Variants in ROBO2 observed in about 807,000 individuals in gnomAD.
ROBO2 encodes roundabout guidance receptor 2, also known as roundabout homolog 2.
ROBO2 carries 53 observed loss-of-function variants against 160.8 expected under a neutral mutation model. The ratio of observed to expected loss-of-function variants is 0.33; its 90% CI spans 0.26 to 0.41. The LOEUF is 0.41. ROBO2 is among the 10% of genes least tolerant of loss of function. The probability of loss-of-function intolerance (pLI) is 1.00; values close to 1 mark genes in which losing one functional copy is unlikely to be tolerated. For synonymous variants in ROBO2, 664 were observed against 611.7 expected (o/e 1.09, Z -1.26); for missense variants, 1,577 against 1,722.4 (o/e 0.92, Z 1.49).
chr3:76,150,501 A>C (rs2072153799), intron 2 of ROBO2, among the ~76,000 whole-genome samples: 1 of 152,006 alleles, frequency 6.6e-6, no homozygotes, highest in Admixed American at 6.6e-5. Context: ...ATCTGTCTAA[A>C]ACACACATTT....
chr3:77,040,811 T>A, exon 1 of ROBO2: 1 of 1,614,176 alleles, frequency 6.2e-7, no homozygotes, highest in Non-Finnish European at 8.5e-7. Context: ...TTTACACAAC[T>A]ACTGCTCTGT....
chr3:77,338,167 G>C (rs909916357), intron 2 of ROBO2, among the ~76,000 whole-genome samples: 12 of 152,146 alleles, frequency 7.9e-5, no homozygotes, highest in African/African-American at 2.7e-4. Flanking sequence ...ATACAAGTTA[G>C]AGCTCATATT....
intron 2 of ROBO2, among the ~76,000 whole-genome samples, chr3:76,129,694 AG>A (rs1430271505): frequency 6.6e-6 from 1 of 152,018 alleles, no homozygotes; most frequent in Non-Finnish European, 1.5e-5. Flanking sequence ...AAAGCAGAGA[AG>A]TGGAACCTAA....
chr3:77,419,431 A>G (rs1306075097), intron 2 of ROBO2, among the ~76,000 whole-genome samples: 1 of 152,146 alleles, frequency 6.6e-6, no homozygotes, highest in Non-Finnish European at 1.5e-5. Context: ...TGATAAGCAG[A>G]ATAATAATAA....
At chr3:77,547,302 A>G (rs1301745022) in intron 7 of ROBO2, among the ~76,000 whole-genome samples, 1 of 152,058 alleles carries the variant, frequency 6.6e-6, no homozygotes, top group Non-Finnish European at 1.5e-5. Context: ...ACCTGGAGAT[A>G]TTTTCCTTCT....
chr3:77,169,308 T>C (rs960940943), intron 2 of ROBO2, among the ~76,000 whole-genome samples: 1 of 152,234 alleles, frequency 6.6e-6, no homozygotes, highest in Non-Finnish European at 1.5e-5. Context: ...TTATCTTAGA[T>C]ACCTATGATT....
intron 2 of ROBO2, among the ~76,000 whole-genome samples, chr3:76,917,909 T>C (rs1400994189): frequency 1.3e-5 from 2 of 152,208 alleles, no homozygotes; most frequent in Non-Finnish European, 2.9e-5. Context: ...ATACAACTTA[T>C]GTTTTCTAGA....
chr3:76,386,066 A>G (rs150251500), intron 2 of ROBO2, among the ~76,000 whole-genome samples: 391 of 152,304 alleles, frequency 2.6e-3, no homozygotes, highest in African/African-American at 9.2e-3. Context: ...TTATATTTAA[A>G]TTGAAATACC....
At chr3:77,455,423 G>A (rs915899926) in intron 2 of ROBO2, among the ~76,000 whole-genome samples, 2 of 152,036 alleles carry the variant, frequency 1.3e-5, no homozygotes, top group African/African-American at 4.8e-5. Context: ...CGAAATTAAG[G>A]AAAAGCAAAA....
intron 2 of ROBO2, among the ~76,000 whole-genome samples, chr3:76,754,184 G>C (rs1311081845): frequency 6.6e-6 from 1 of 151,614 alleles, no homozygotes; most frequent in Non-Finnish European, 1.5e-5. Context: ...TTTCCTTTTG[G>C]GCAGTTCAGA....
At chr3:76,252,285 G>C (rs1391164143) in intron 2 of ROBO2, among the ~76,000 whole-genome samples, 1 of 152,074 alleles carries the variant, frequency 6.6e-6, no homozygotes, top group East Asian at 1.9e-4. Flanking sequence ...TGAACCAAGA[G>C]TGGGTTCATT....
At chr3:76,422,442 G>A (rs184973076) in intron 2 of ROBO2, among the ~76,000 whole-genome samples, 121 of 152,268 alleles carry the variant, frequency 7.9e-4, no homozygotes, top group African/African-American at 2.7e-3. Flanking sequence ...TGGGCCTAAT[G>A]GAGGTTGCTA....
At chr3:76,048,370 A>G (rs2067520783) in intron 2 of ROBO2, among the ~76,000 whole-genome samples, 2 of 152,118 alleles carry the variant, frequency 1.3e-5, no homozygotes. Flanking sequence ...AAAATTGTGA[A>G]TTTTTCCTGC....
intron 7 of ROBO2, among the ~76,000 whole-genome samples, chr3:77,549,541 C>G (rs1462168138): frequency 2.0e-5 from 3 of 151,958 alleles, no homozygotes; most frequent in Non-Finnish European, 4.4e-5. Context: ...GCAAACATCA[C>G]TCGTTTTAGA....
chr3:77,446,039 C>G (rs888252373), intron 2 of ROBO2, among the ~76,000 whole-genome samples: 3 of 151,874 alleles, frequency 2.0e-5, no homozygotes, highest in African/African-American at 7.3e-5. Context: ...GAGTATCTTT[C>G]CTAGAATTCC....
At chr3:77,216,650 C>T (rs1304645498) in intron 2 of ROBO2, among the ~76,000 whole-genome samples, 1 of 152,212 alleles carries the variant, frequency 6.6e-6, no homozygotes, top group Non-Finnish European at 1.5e-5. Flanking sequence ...GCAGAAATCA[C>T]TCGTCTTCTG....
chr3:77,130,708 C>G (rs988627158), intron 2 of ROBO2, among the ~76,000 whole-genome samples: 3 of 152,102 alleles, frequency 2.0e-5, no homozygotes, highest in Non-Finnish European at 4.4e-5. Flanking sequence ...TTTATTGATA[C>G]GTACTTCAAT....
chr3:76,611,938 T>C (rs2088160977), intron 2 of ROBO2, among the ~76,000 whole-genome samples: 1 of 152,192 alleles, frequency 6.6e-6, no homozygotes, highest in Admixed American at 6.5e-5. Flanking sequence ...CAGTATTCCA[T>C]AGTTGTTGGT....
At chr3:77,285,475 A>G (rs759642469) in intron 2 of ROBO2, among the ~76,000 whole-genome samples, 4 of 152,142 alleles carry the variant, frequency 2.6e-5, no homozygotes, top group African/African-American at 7.2e-5. Context: ...AAATCTACCT[A>G]CATACATGTA....
Sources: gnomAD v4.1 joint callset for allele counts (sites outside exome capture counted in the v4.1 genomes callset) on GRCh38, gnomAD v4.1.1 for gene constraint, MANE v1.5 for transcripts, NCBI Gene and HGNC (gene_info 2026-07-23, HGNC 2026-07-21) for gene names.